The following AFF3 variants were observed in gnomAD, a reference collection of about 807,000 sequenced individuals.
AFF3 encodes the protein ALF transcription elongation factor 3.
A neutral mutation model predicts 129.7 loss-of-function variants in AFF3; 32 were observed. The ratio of observed to expected loss-of-function variants is 0.25; its 90% CI spans 0.19 to 0.33. The LOEUF is 0.33. AFF3 is among the 10% of genes least tolerant of loss of function. The pLI is 1.00. For missense variants in AFF3, 1,373 were observed against 1,592.0 expected (o/e 0.86, Z 2.34); for synonymous variants, 644 against 635.4 (o/e 1.01, Z -0.20).
chr2:99,669,687 A>T (rs1291353287), intron 12 of AFF3, among the ~76,000 whole-genome samples: 2 of 152,220 alleles, frequency 1.3e-5, no homozygotes, highest in Non-Finnish European at 2.9e-5. Context: ...ATATACAAAC[A>T]GGCTGGGCAC....
chr2:99,814,841 A>G (rs937526950), intron 8 of AFF3, among the ~76,000 whole-genome samples: 1 of 141,858 alleles, frequency 7.0e-6, no homozygotes, highest in Non-Finnish European at 1.5e-5. Flanking sequence ...ATGATTTGGC[A>G]TTTTAATTAT....
At chr2:99,773,927 C>T (rs1330881087) in intron 8 of AFF3, among the ~76,000 whole-genome samples, 9 of 152,150 alleles carry the variant, frequency 5.9e-5, no homozygotes, top group Admixed American at 5.9e-4. Flanking sequence ...GATTCCTATA[C>T]ACCAACAACA....
At chr2:99,762,186 G>A (rs1023916670) in intron 8 of AFF3, among the ~76,000 whole-genome samples, 3 of 149,306 alleles carry the variant, frequency 2.0e-5, no homozygotes, top group East Asian at 2.0e-4. Flanking sequence ...ATGCAATGGC[G>A]TGATCTCAGC....
At chr2:100,016,830 ATGGTGGTAATGG>A in intron 4 of AFF3, among the ~76,000 whole-genome samples, 1 of 139,210 alleles carries the variant, frequency 7.2e-6, no homozygotes, top group Non-Finnish European at 1.6e-5. Flanking sequence ...GGTGGTGGTG[ATGGTGGTAATGG>A]TGGTGGTGAT....
intron 8 of AFF3, among the ~76,000 whole-genome samples, chr2:99,795,413 G>A (rs981381361): frequency 2.0e-5 from 3 of 152,148 alleles, no homozygotes; most frequent in Non-Finnish European, 2.9e-5. Context: ...GCAGGTGGGA[G>A]GGCAGTGAGG....
chr2:99,653,071 A>G (rs1685419353), intron 12 of AFF3, among the ~76,000 whole-genome samples: 1 of 152,178 alleles, frequency 6.6e-6, no homozygotes, highest in Non-Finnish European at 1.5e-5. Context: ...AGCAGGCAAC[A>G]GGTGGCATCA....
chr2:99,612,325 G>C (rs1288443043), intron 13 of AFF3, among the ~76,000 whole-genome samples: 1 of 152,160 alleles, frequency 6.6e-6, no homozygotes, highest in Non-Finnish European at 1.5e-5. Flanking sequence ...AAAAGTCTCT[G>C]CTATAGTTCC....
chr2:99,595,013 T>A (rs2104998731), intron 14 of AFF3, among the ~76,000 whole-genome samples: 1 of 152,308 alleles, frequency 6.6e-6, no homozygotes, highest in Middle Eastern at 3.4e-3. Context: ...CTCATGAAAG[T>A]CATTGGTTTT....
chr2:99,562,825 G>A (rs528118476), intron 20 of AFF3, among the ~76,000 whole-genome samples: 6 of 152,284 alleles, frequency 3.9e-5, no homozygotes, highest in Middle Eastern at 3.4e-3. Flanking sequence ...GGGGGCTGTG[G>A]TTCCAATGAT....
At chr2:100,016,546 C>G in intron 4 of AFF3, among the ~76,000 whole-genome samples, 1 of 132,270 alleles carries the variant, frequency 7.6e-6, no homozygotes, top group Non-Finnish European at 1.6e-5. Flanking sequence ...ATGGTGGTAG[C>G]GATGGTGATA....
intron 8 of AFF3, among the ~76,000 whole-genome samples, chr2:99,815,681 T>G (rs1011788486): frequency 6.6e-6 from 1 of 152,148 alleles, no homozygotes; most frequent in Non-Finnish European, 1.5e-5. Flanking sequence ...ATATTTTTGC[T>G]GTGCATAGAA....
In AFF3 at chr2:99,956,982, C is replaced by T. The variant is rs553309307; in HGVS notation, c.873+49650G>A. On this transcript the variant is annotated intron_variant, in intron 7 of 24. Coordinates refer to ENST00000672756, the MANE Select transcript of AFF3 (RefSeq NM_001386135.1). ...CAAAAATTAAAATTTATGGAAGATT[C>T]GGCAGAAACAGCTGAGAGTGGTGCT... Among the ~76,000 whole-genome samples, 237 of 152,308 alleles carry T rather than the reference C, an allele frequency of 1.6e-3. 1 individual carries two copies. The highest frequency in any genetic ancestry group is 4.6e-3 in the South Asian group (22 of 4,824).
chr2:100,129,094 A>G (rs961271601), intron 2 of AFF3, 130 bp downstream of exon 2: 7 of 152,202 alleles, frequency 4.6e-5, no homozygotes, highest in African/African-American at 1.7e-4. Context: ...CTGGGTTAGC[A>G]GCAGCAACCG....
At chr2:99,778,906 G>GCA (rs1684170494) in intron 8 of AFF3, among the ~76,000 whole-genome samples, 2 of 117,710 alleles carry the variant, frequency 1.7e-5, no homozygotes, top group African/African-American at 1.4e-4. Context: ...GCGTGTGTGT[G>GCA]TGTGTGTGTG....
At chr2:99,703,325 A>C (rs1677051176) in intron 11 of AFF3, among the ~76,000 whole-genome samples, 1 of 152,228 alleles carries the variant, frequency 6.6e-6, no homozygotes, top group Non-Finnish European at 1.5e-5. Flanking sequence ...AAGGTAACAC[A>C]ATCACAGGTT....
intron 4 of AFF3, among the ~76,000 whole-genome samples, chr2:100,020,763 C>A (rs207462100): frequency 6.6e-6 from 1 of 152,242 alleles, no homozygotes; most frequent in Non-Finnish European, 1.5e-5. Context: ...AACTCCTTGG[C>A]CCAGGCCACC....
At chr2:99,967,867 AAC>A (rs1289101768) in intron 7 of AFF3, among the ~76,000 whole-genome samples, 6 of 152,214 alleles carry the variant, frequency 3.9e-5, no homozygotes, top group Admixed American at 2.0e-4. Context: ...ACGCTCTTGC[AAC>A]AGTTTCCTAG....
chr2:99,884,194 T>C (rs988078836), intron 7 of AFF3, among the ~76,000 whole-genome samples: 2 of 152,272 alleles, frequency 1.3e-5, no homozygotes, highest in Non-Finnish European at 2.9e-5. Context: ...TATTTATTTT[T>C]AACTGATAAA....
At chr2:99,741,799 A>C (rs1262384477) in intron 10 of AFF3, among the ~76,000 whole-genome samples, 1 of 152,126 alleles carries the variant, frequency 6.6e-6, no homozygotes, top group Admixed American at 6.5e-5. Flanking sequence ...TGTAGGCATC[A>C]CACTACCTGA....
Sources: allele counts gnomAD v4.1 joint callset (sites outside exome capture counted in the v4.1 genomes callset), GRCh38; gene constraint gnomAD v4.1.1; transcripts MANE v1.5; gene names NCBI Gene and HGNC (gene_info 2026-07-23, HGNC 2026-07-21).